Variants in TNC observed in about 807,000 individuals in gnomAD.
TNC encodes tenascin.
In TNC, 109 loss-of-function variants were observed where a neutral mutation model predicts 202.4. The ratio of observed to expected loss-of-function variants is 0.54; its 90% confidence interval spans 0.46 to 0.63. The LOEUF is 0.63. Ranked by LOEUF, TNC falls within the 30% of genes least tolerant of loss-of-function variation. TNC has a pLI of 0.00. For missense variants in TNC, 2,756 were observed against 2,833.3 expected (o/e 0.97, Z 0.62); for synonymous variants, 1,007 against 1,089.7 (o/e 0.92, Z 1.50).
At chr9:115,035,654 C>G (rs1011547829) in intron 21 of TNC, 26 of 279,968 alleles carry the variant, frequency 9.3e-5, no homozygotes, top group African/African-American at 5.2e-4. Flanking sequence ...AATATCAATA[C>G]TCACCCTGAC....
intron 9 of TNC, among the ~76,000 whole-genome samples, chr9:115,075,579 G>A (rs566203822): frequency 1.3e-5 from 2 of 152,276 alleles, no homozygotes; most frequent in African/African-American, 4.8e-5. Context: ...GAGGTCAAGA[G>A]ATTGAGACCA....
intron 15 of TNC, 134 bp downstream of exon 15, chr9:115,057,019 G>T: frequency 9.4e-7 from 1 of 1,060,390 alleles, no homozygotes; most frequent in Non-Finnish European, 1.3e-6. Flanking sequence ...ATGTTAAACA[G>T]CACCCCAGCC....
chr9:115,044,735 G>C (rs983680410), intron 17 of TNC, among the ~76,000 whole-genome samples: 7 of 152,162 alleles, frequency 4.6e-5, no homozygotes, highest in Non-Finnish European at 8.8e-5. Context: ...GGGAGGAGGA[G>C]ACTGAGACCT....
chr9:115,055,049 G>C (rs1477208519), intron 15 of TNC, among the ~76,000 whole-genome samples: 1 of 152,126 alleles, frequency 6.6e-6, no homozygotes, highest in Non-Finnish European at 1.5e-5. Context: ...GAGAGAAAAA[G>C]AGTGTAGATC....
At chr9:115,084,115 A>C (rs1834520326) in intron 4 of TNC, 94 bp downstream of exon 4, 1 of 1,351,880 alleles carries the variant, frequency 7.4e-7, no homozygotes, top group South Asian at 1.4e-5. Context: ...TGTAAAGAAC[A>C]ACTATAGGAT....
chr9:115,059,900 A>G lies in TNC; in HGVS notation c.4136T>C (p.Ile1379Thr), dbSNP rs777350172. The G allele has an allele frequency of 3.7e-6, 6 of 1,614,154 alleles. No individual in the cohort carries two copies. The highest frequency in any genetic ancestry group is 5.1e-6 in the Non-Finnish European group (6 of 1,180,022). ...CACTTTGTTGACCTCCTGCACCTGA[A>G]TGACAAAGTGCTCATAGGCATTGTC... ...AADNAYEHFV[I>T]QVQEVNKVEA... The change falls in exon 14 of 28, where the codon ATT (isoleucine) becomes ACT (threonine). Residue 1379 changes from isoleucine (I) to threonine (T), a missense_variant. This residue lies in a region of TNC where 2,559 missense variants were observed against 2,546.0 expected (regional missense o/e 1.01). Transcript: ENST00000350763.
At chr9:115,092,749 A>G (rs1037506530) in intron 1 of TNC, among the ~76,000 whole-genome samples, 1 of 139,256 alleles carries the variant, frequency 7.2e-6, no homozygotes, top group Non-Finnish European at 1.6e-5. Flanking sequence ...GATTTTTTGT[A>G]TTTTTTTTTT....
At position 115,086,794 on chromosome 9, in the gene TNC, G is replaced by A. The variant is rs148519538; in HGVS notation, c.937C>T (p.Leu313Phe). 1 of 1,613,828 alleles carries A rather than the reference G, an allele frequency of 6.2e-7. No homozygotes were observed. The highest frequency in any genetic ancestry group is 1.3e-5 in the African/African-American group (1 of 74,932). ...TCGAAGCAGTCATTGGGGCAGATGAGCTCACTGCAGTCTTCGCCCGTGAAA... is the reference window on the plus strand; with the variant it reads ...TCGAAGCAGTCATTGGGGCAGATGAACTCACTGCAGTCTTCGCCCGTGAAA... ...EGFTGEDCSE[L>F]ICPNDCFDRG... The change falls in exon 3 of 28, where the codon CTC becomes TTC. Residue 313 changes from leucine (L) to phenylalanine (F), a missense_variant. This residue lies in a region of TNC where 2,559 missense variants were observed against 2,546.0 expected (regional missense o/e 1.01). Transcript: ENST00000350763.
In TNC at chr9:115,033,316, C is replaced by T. The variant is rs1157290482; in HGVS notation, c.5788-1631G>A. Among the ~76,000 whole-genome samples the T allele has an allele frequency of 2.6e-5, 4 of 152,128 alleles. 1 individual carries two copies. The highest frequency in any genetic ancestry group is 9.6e-5 in the African/African-American group (4 of 41,498). ...TAATACCCAGAGGCCTTTTTGCAGCCCCCCAGTTCTAGTCCCTGGGGGAAA... is the reference window on the plus strand; with the variant it reads ...TAATACCCAGAGGCCTTTTTGCAGCTCCCCAGTTCTAGTCCCTGGGGGAAA... On this transcript the variant is annotated intron_variant, in intron 22 of 27. Transcript: ENST00000350763.
chr9:115,063,133 T>A lies in TNC; in HGVS notation c.3817A>T (p.Arg1273Ter). 1 of 1,614,186 alleles carries A rather than the reference T, an allele frequency of 6.2e-7. No homozygotes were observed. Among genetic ancestry groups the A allele is most frequent in the South Asian group, 1.1e-5 (1 of 91,084 alleles). ...TVTEVSWDAL[R>*]LNWTTPDGTY... ...CCATCTGGCGTGGTCCAGTTCAGTC[T>A]GAGAGCATCCCAGCTAACCTCGGTC... Residue 1273 changes from arginine to a stop codon, truncating the protein, a stop_gained, in exon 13 of 28, where the codon AGA (arginine) becomes TGA (stop). Coordinates refer to ENST00000350763, the MANE Select transcript of TNC (RefSeq NM_002160.4). LOFTEE classifies it high-confidence loss of function.
chr9:115,074,297 A>G (rs114993635), intron 9 of TNC, among the ~76,000 whole-genome samples: 2,400 of 152,248 alleles, frequency 0.016, 66 homozygotes, highest in African/African-American at 0.054. Context: ...CTAATCCCCA[A>G]TGTGAAGACA....
rs1587972693 is a variant in TNC at position 115,021,176 on chromosome 9, C to G, written c.6587G>C (p.Gly2196Ala). Residue 2196 changes from glycine to alanine, a missense_variant, in exon 28 of 28, where the codon GGC (glycine) becomes GCC (alanine). Physicochemically the swap from Gly to Ala is moderately conservative, Grantham distance 60. Coordinates refer to ENST00000350763, the MANE Select transcript of TNC (RefSeq NM_002160.4). ...TGGAATTTATGCCCGTTTGCGCCTG[C>G]CTTCAAGATTTCTGAAGTTGCTTGG... Reference protein sequence around the residue: ...LRPSNFRNLEGRRKRA With the variant: ...LRPSNFRNLEARRKRA 1 of 1,613,844 alleles carries G rather than the reference C, an allele frequency of 6.2e-7. No individual in the cohort carries two copies. Among genetic ancestry groups the G allele is most frequent in the Non-Finnish European group, 8.5e-7 (1 of 1,179,912 alleles).
At chr9:115,110,408 G>T (rs571267393) in intron 1 of TNC, among the ~76,000 whole-genome samples, 1 of 152,010 alleles carries the variant, frequency 6.6e-6, no homozygotes, top group East Asian at 1.9e-4. Flanking sequence ...TTGAAGAAGG[G>T]GAAGGCTGGG....
chr9:115,028,924 G>GAAAAAAAAAAAAAAAAA, intron 25 of TNC, among the ~76,000 whole-genome samples: 1 of 63,944 alleles, frequency 1.6e-5, no homozygotes, highest in East Asian at 8.1e-4. Context: ...CATTATCTCT[G>GAAAAAAAAAAAAAAAAA]AAAAAAAAAA....
chr9:115,026,780 G>A (rs1016644838), intron 25 of TNC, 85 bp from the exon 26 acceptor site: 2 of 1,314,964 alleles, frequency 1.5e-6, no homozygotes, highest in Non-Finnish European at 2.0e-6. Context: ...CGGCAACTGG[G>A]TACACTTAAG....
At position 115,071,654 on chromosome 9, in the gene TNC, T is replaced by C. The variant is rs114782258; in HGVS notation, c.3214+1949A>G. ...AGGGGCAATAGGAATCTCTCTTAGA[T>C]ACAGCATTTATCAAACTCAAGGGAA... On this transcript the variant is annotated intron_variant, in intron 10 of 27. Transcript: ENST00000350763. Among the ~76,000 whole-genome samples the C allele has an allele frequency of 3.2e-3, 489 of 151,842 alleles. 3 individuals are homozygous for C. The highest frequency in any genetic ancestry group is 0.011 in the African/African-American group (471 of 41,406).
intron 15 of TNC, among the ~76,000 whole-genome samples, chr9:115,055,318 AG>A (rs1832028154): frequency 6.6e-6 from 1 of 152,152 alleles, no homozygotes; most frequent in Non-Finnish European, 1.5e-5. Flanking sequence ...TTGGGGTGAG[AG>A]TTATTTTAAA....
intron 5 of TNC, among the ~76,000 whole-genome samples, chr9:115,082,266 C>T (rs1263409927): frequency 6.6e-6 from 1 of 152,210 alleles, no homozygotes; most frequent in Non-Finnish European, 1.5e-5. Flanking sequence ...TGGATAGTCA[C>T]ACAGCTGGTT....
chr9:115,067,091 C>T (rs1446924529), intron 10 of TNC, among the ~76,000 whole-genome samples: 1 of 152,186 alleles, frequency 6.6e-6, no homozygotes, highest in South Asian at 2.1e-4. Flanking sequence ...AGTGATGTAT[C>T]TAGATTTAGG....
Sources: gnomAD v4.1 joint callset for allele counts (sites outside exome capture counted in the v4.1 genomes callset) on GRCh38, gnomAD v4.1.1 for gene constraint, gnomAD v4.1.1 regional missense constraint, MANE v1.5 for transcripts, NCBI Gene and HGNC (gene_info 2026-07-23, HGNC 2026-07-21) for gene names.